ANO5: variants seen among roughly 807,000 people sequenced by gnomAD.
ANO5 encodes the protein anoctamin 5, also known as anoctamin-5.
A neutral mutation model predicts 121.0 loss-of-function variants in ANO5; 109 were observed. The observed-to-expected ratio is 0.90, with a 90% CI of 0.77 to 1.06. ANO5 has a LOEUF of 1.06. Among genes scored for constraint, ANO5 ranks in the 50% least tolerant of loss-of-function variants. The pLI is 0.00. For synonymous variants in ANO5, 406 were observed against 359.9 expected, an observed-to-expected ratio of 1.13 and a Z score of -1.45; for missense variants, 1,064 against 1,078.5, an observed-to-expected ratio of 0.99 and a Z score of 0.19.
intron 1 of ANO5, among the ~76,000 whole-genome samples, chr11:22,196,565 C>T (rs1360403849): frequency 2.8e-5 from 4 of 143,678 alleles, no homozygotes; most frequent in South Asian, 2.3e-4. Flanking sequence ...GATATATTTT[C>T]TCTTGGATTT....
chr11:22,236,151 C>T lies in ANO5; in HGVS notation c.649-12C>T. 6.4e-7 allele frequency: 1 copy of T among 1,561,656 alleles called. No homozygotes were observed. Among genetic ancestry groups the T allele is most frequent in the Non-Finnish European group, 8.8e-7 (1 of 1,132,772 alleles). On this transcript the variant is annotated splice_polypyrimidine_tract_variant and intron_variant, in intron 7 of 21. Transcript: ENST00000324559. ...TGAGATGTGATAGTGTCTCTTTGCA[C>T]TTACCTTGTAGGTGTACTATATTCT...
Position 22,283,071 on chromosome 11 carries a change from G to A in ANO5, c.*3306G>A, listed in dbSNP as rs1855135834. 6.6e-6 allele frequency: 1 copy of A among 152,142 alleles called. No individual in the cohort carries two copies. Among genetic ancestry groups the A allele is most frequent in the African/African-American group, 2.4e-5 (1 of 41,442 alleles). 9.4% of individuals were successfully genotyped at this position (152,142 alleles called of 1,614,324 possible). The stretch of plus-strand genomic sequence containing the variant: ...TTTATTTCAGCATTATGTGAAAAAT[G>A]ATAAGAATGTTAAAAAGAAAATAAT... On this transcript the variant is annotated 3_prime_UTR_variant, in exon 22 of 22. Transcript: ENST00000324559.
At chr11:22,219,891 ATT>A (rs5790244) in intron 4 of ANO5, among the ~76,000 whole-genome samples, 18 of 139,278 alleles carry the variant, frequency 1.3e-4, no homozygotes, top group African/African-American at 4.0e-4. Context: ...GGTTCCCTAG[ATT>A]TTTTTTTTTT....
At chr11:22,236,408 T>C (rs1420687420) in intron 8 of ANO5, 132 bp downstream of exon 8, 4 of 750,062 alleles carry the variant, frequency 5.3e-6, no homozygotes, top group Middle Eastern at 2.3e-4. Context: ...AAAGACTTCT[T>C]GGTTCTGAGC....
At chr11:22,257,653 T>C (rs1438448126) in intron 13 of ANO5, 27 bp from the exon 14 acceptor site, 1 of 1,565,648 alleles carries the variant, frequency 6.4e-7, no homozygotes. Flanking sequence ...GATTTTGAAT[T>C]TCTTTGTGAT....
chr11:22,238,903 T>A (rs1285047077), intron 8 of ANO5, among the ~76,000 whole-genome samples: 1 of 152,112 alleles, frequency 6.6e-6, no homozygotes, highest in Non-Finnish European at 1.5e-5. Flanking sequence ...TGGATATTTA[T>A]TCAGTGCTGC....
At chr11:22,272,346 A>ACG (rs71034585) in intron 18 of ANO5, among the ~76,000 whole-genome samples, 1 of 147,496 alleles carries the variant, frequency 6.8e-6, no homozygotes. Context: ...ACACACACAC[A>ACG]GCTGGCTGCT....
intron 1 of ANO5, among the ~76,000 whole-genome samples, chr11:22,200,475 T>A (rs933270858): frequency 6.6e-6 from 1 of 152,208 alleles, no homozygotes; most frequent in Non-Finnish European, 1.5e-5. Flanking sequence ...TTATAGATTA[T>A]TAAAAATTTG....
At chr11:22,220,202 C>T (rs1009271399) in intron 4 of ANO5, among the ~76,000 whole-genome samples, 2 of 151,986 alleles carry the variant, frequency 1.3e-5, no homozygotes, top group African/African-American at 4.8e-5. Flanking sequence ...GTTACTCATT[C>T]GCAGGTGAGC....
intron 17 of ANO5, among the ~76,000 whole-genome samples, chr11:22,267,087 A>T (rs1039448810): frequency 6.6e-6 from 1 of 152,136 alleles, no homozygotes; most frequent in Non-Finnish European, 1.5e-5. Flanking sequence ...AGACATTTTC[A>T]TTATTATTTA....
At chr11:22,204,999 TA>T (rs1414987801) in intron 2 of ANO5, among the ~76,000 whole-genome samples, 1 of 152,124 alleles carries the variant, frequency 6.6e-6, no homozygotes, top group African/African-American at 2.4e-5. Context: ...ATATATATCA[TA>T]AAATACTATG....
intron 5 of ANO5, among the ~76,000 whole-genome samples, chr11:22,224,584 C>T (rs1017835025): frequency 6.6e-6 from 1 of 151,970 alleles, no homozygotes; most frequent in Non-Finnish European, 1.5e-5. Flanking sequence ...ATCAAAGTGG[C>T]TTAAAGCTTT....
intron 2 of ANO5, among the ~76,000 whole-genome samples, chr11:22,207,389 C>G (rs1179359402): frequency 6.6e-6 from 1 of 152,096 alleles, no homozygotes; most frequent in Admixed American, 6.6e-5. Flanking sequence ...GAAATAGCCT[C>G]ACACAAGTAC....
intron 18 of ANO5, among the ~76,000 whole-genome samples, chr11:22,271,854 T>C (rs1564950330): frequency 6.6e-6 from 1 of 152,192 alleles, no homozygotes; most frequent in African/African-American, 2.4e-5. Flanking sequence ...TTCTACATAA[T>C]ACTTCCTCTT....
At chr11:22,256,725 GTTTTT>G (rs975602443) in intron 13 of ANO5, among the ~76,000 whole-genome samples, 73 of 143,102 alleles carry the variant, frequency 5.1e-4, no homozygotes, top group African/African-American at 2.2e-3. Flanking sequence ...ATGAAACAGA[GTTTTT>G]TTTTGTTTTG....
chr11:22,218,833 G>C (rs557486757), intron 4 of ANO5, among the ~76,000 whole-genome samples: 1 of 152,108 alleles, frequency 6.6e-6, no homozygotes, highest in East Asian at 1.9e-4. Context: ...AAAGTGCTGG[G>C]ATTACAGGCA....
chr11:22,213,813 T>G (rs1482243513), intron 3 of ANO5, among the ~76,000 whole-genome samples: 1 of 152,058 alleles, frequency 6.6e-6, no homozygotes, highest in Non-Finnish European at 1.5e-5. Context: ...TATTTTATAC[T>G]TTATGTTATA....
At chr11:22,207,562 A>G (rs1347546307) in intron 2 of ANO5, among the ~76,000 whole-genome samples, 2 of 152,176 alleles carry the variant, frequency 1.3e-5, no homozygotes, top group African/African-American at 4.8e-5. Context: ...GTAAAACTAT[A>G]CAATTTTTTG....
chr11:22,212,318 G>C (rs1485931920), intron 3 of ANO5, among the ~76,000 whole-genome samples: 1 of 151,954 alleles, frequency 6.6e-6, no homozygotes, highest in Admixed American at 6.6e-5. Flanking sequence ...TGTTTTCAGA[G>C]AAATCTTTCT....
Sources: gnomAD v4.1 joint callset for allele counts (sites outside exome capture counted in the v4.1 genomes callset) on GRCh38, gnomAD v4.1.1 for gene constraint, MANE v1.5 for transcripts, NCBI Gene and HGNC (gene_info 2026-07-23, HGNC 2026-07-21) for gene names.